DOCK10: variants seen among roughly 807,000 people sequenced by gnomAD.
The protein encoded by DOCK10 is dedicator of cytokinesis 10.
Under a neutral mutation model 280.1 loss-of-function variants are expected in DOCK10, and 145 were observed. That is an observed-to-expected ratio of 0.52 (90% CI 0.45 to 0.59). DOCK10 has a LOEUF of 0.59. DOCK10 is among the 20% of genes least tolerant of loss of function. The pLI is 0.00. For missense variants in DOCK10, 2,368 were observed against 2,651.7 expected, an observed-to-expected ratio of 0.89 and a Z score of 2.35; for synonymous variants, 915 against 942.2, an observed-to-expected ratio of 0.97 and a Z score of 0.53.
In DOCK10 at chr2:224,896,287, G is replaced by A. The variant is rs1286075347; in HGVS notation, c.416+8C>T. ...AAAGACCAATAAGTGCTCATAACAG[G>A]TTCTTACCGGGGTAGCTGTCGAATG... On this transcript the variant is annotated splice_region_variant and intron_variant, in intron 4 of 55. Coordinates refer to ENST00000258390, the MANE Select transcript of DOCK10 (RefSeq NM_014689.3). 1 of 1,558,432 alleles carries A rather than the reference G, an allele frequency of 6.4e-7. No individual in the cohort carries two copies. Among genetic ancestry groups the A allele is most frequent in the Non-Finnish European group, 8.8e-7 (1 of 1,134,170 alleles).
chr2:224,804,448 TG>T (rs1326268684), intron 38 of DOCK10, among the ~76,000 whole-genome samples: 1 of 142,224 alleles, frequency 7.0e-6, no homozygotes, highest in Non-Finnish European at 1.5e-5. Context: ...CCAGATTACT[TG>T]TTTTTTTTTT....
Position 224,860,560 on chromosome 2 carries a change from G to GT in DOCK10, c.1685+2103dup, listed in dbSNP as rs201442231. The stretch of plus-strand genomic sequence containing the variant: ...TCACTTGGCTAATAAAGGATAGAGC[G>GT]TTTTTTTTTTCTTTTTTTTAGAGAC... On this transcript the variant is annotated intron_variant, in intron 14 of 55. Transcript: ENST00000258390. The GT allele has an allele frequency of 8.5e-3, 1,249 of 147,090 alleles. 7 individuals carry two copies. The highest frequency in any genetic ancestry group is 0.017 in the African/African-American group (679 of 40,192). The allele number at this position is 147,090 out of a possible 1,614,324, so 9.1% of individuals were successfully genotyped here.
intron 3 of DOCK10, among the ~76,000 whole-genome samples, chr2:224,915,796 C>G (rs1184934568): frequency 6.6e-6 from 1 of 152,198 alleles, no homozygotes; most frequent in Non-Finnish European, 1.5e-5. Flanking sequence ...TGCTAAGTAG[C>G]TGCTATGCAC....
chr2:224,903,664 A>T (rs531268553), intron 3 of DOCK10, among the ~76,000 whole-genome samples: 1 of 152,290 alleles, frequency 6.6e-6, no homozygotes, highest in Admixed American at 6.5e-5. Flanking sequence ...AGGCATAAAA[A>T]CTGGGTCATT....
chr2:224,776,453 C>G (rs915309655), intron 51 of DOCK10, among the ~76,000 whole-genome samples: 1 of 152,114 alleles, frequency 6.6e-6, no homozygotes, highest in Non-Finnish European at 1.5e-5. Context: ...GCCCCAGGAA[C>G]TCTGTGTATA....
At position 224,962,731 on chromosome 2, in the gene DOCK10, T is replaced by C. The variant is rs543297100; in HGVS notation, c.124-31063A>G. Reference sequence around the variant, plus strand: ...CAAAAATATAATCCTTAATCCTACATTTACATTAACAGCAAAATCATTTTC... The same window carrying C: ...CAAAAATATAATCCTTAATCCTACACTTACATTAACAGCAAAATCATTTTC... On this transcript the variant is annotated intron_variant, in intron 1 of 55. Coordinates refer to ENST00000258390, the MANE Select transcript of DOCK10 (RefSeq NM_014689.3). Among the ~76,000 whole-genome samples, 3 of 152,300 alleles carry C rather than the reference T, an allele frequency of 2.0e-5. No individual in the cohort carries two copies. The East Asian group carries it at 5.8e-4, about 29-fold the overall frequency.
intron 55 of DOCK10, among the ~76,000 whole-genome samples, chr2:224,768,242 A>C (rs1690187673): frequency 6.6e-6 from 1 of 152,026 alleles, no homozygotes; most frequent in South Asian, 2.1e-4. Flanking sequence ...TGTTCAATAG[A>C]ATTTTTTTCC....
At chr2:225,009,034 A>C (rs569697990) in intron 1 of DOCK10, among the ~76,000 whole-genome samples, 94 of 152,312 alleles carry the variant, frequency 6.2e-4, no homozygotes, top group African/African-American at 2.2e-3. Flanking sequence ...AAAATATTCC[A>C]ATCTTGTAAT....
intron 1 of DOCK10, among the ~76,000 whole-genome samples, chr2:224,955,205 C>A (rs1703970723): frequency 6.6e-6 from 1 of 152,192 alleles, no homozygotes; most frequent in South Asian, 2.1e-4. Context: ...TTAATAATTA[C>A]CCTGAAAAGC....
At chr2:224,919,716 G>A (rs1701581570) in intron 2 of DOCK10, among the ~76,000 whole-genome samples, 1 of 152,038 alleles carries the variant, frequency 6.6e-6, no homozygotes, top group Non-Finnish European at 1.5e-5. Context: ...GAGTGTGTGT[G>A]CATGTGCACA....
chr2:224,854,097 T>C (rs934525076), intron 16 of DOCK10, among the ~76,000 whole-genome samples: 1 of 152,204 alleles, frequency 6.6e-6, no homozygotes, highest in African/African-American at 2.4e-5. Context: ...GCTCATTACA[T>C]TTCATATTAA....
At chr2:224,830,721 C>A (rs1695169527) in intron 26 of DOCK10, 109 bp from the exon 27 acceptor site, 2 of 518,134 alleles carry the variant, frequency 3.9e-6, no homozygotes, top group South Asian at 5.0e-5. Context: ...AAAATGTATT[C>A]TTTGAAACTA....
chr2:224,956,855 A>C (rs1704071562), intron 1 of DOCK10, among the ~76,000 whole-genome samples: 1 of 152,110 alleles, frequency 6.6e-6, no homozygotes, highest in Admixed American at 6.6e-5. Flanking sequence ...CCTAATGTAT[A>C]CTCAGTCAGG....
Position 224,793,467 on chromosome 2 carries a change from G to T in DOCK10, c.5155-10C>A. The T allele has an allele frequency of 6.2e-7, 1 of 1,611,638 alleles. No homozygotes were observed. The highest frequency in any genetic ancestry group is 1.3e-5 in the African/African-American group (1 of 74,976). ...TGTAACACATGGCAGCCTGTAATGAGAAAGAAAATAAAGAGGCTCAGGGGA... is the reference window on the plus strand; with the variant it reads ...TGTAACACATGGCAGCCTGTAATGATAAAGAAAATAAAGAGGCTCAGGGGA... On this transcript the variant is annotated splice_polypyrimidine_tract_variant and intron_variant, in intron 45 of 55. Transcript: ENST00000258390.
At chr2:224,839,877 G>A in intron 24 of DOCK10, 77 bp downstream of exon 24, 1 of 594,094 alleles carries the variant, frequency 1.7e-6, no homozygotes, top group South Asian at 3.5e-5. Context: ...AACAGTAGAT[G>A]ACTGTTTAGT....
At chr2:224,860,891 T>A (rs1697459731) in intron 14 of DOCK10, 1 of 152,192 alleles carries the variant, frequency 6.6e-6, no homozygotes, top group Admixed American at 6.5e-5. Context: ...AGAGTTAGGA[T>A]ATTTTGAGCT....
At chr2:224,833,690 A>G (rs1574905452) in intron 26 of DOCK10, among the ~76,000 whole-genome samples, 1 of 152,020 alleles carries the variant, frequency 6.6e-6, no homozygotes, top group East Asian at 1.9e-4. Flanking sequence ...CTTGTTGCCC[A>G]GGCTGGAGTG....
chr2:224,947,384 A>G (rs1263331133), intron 1 of DOCK10, among the ~76,000 whole-genome samples: 1 of 152,240 alleles, frequency 6.6e-6, no homozygotes, highest in East Asian at 1.9e-4. Context: ...AGTCAACTGT[A>G]ATAATATGGC....
intron 1 of DOCK10, among the ~76,000 whole-genome samples, chr2:225,024,002 C>G (rs907929217): frequency 2.0e-5 from 3 of 152,214 alleles, no homozygotes; most frequent in Non-Finnish European, 4.4e-5. Flanking sequence ...CCCTCCTGAT[C>G]CGATGTACTA....
Sources: gnomAD v4.1 joint callset for allele counts (sites outside exome capture counted in the v4.1 genomes callset) on GRCh38, gnomAD v4.1.1 for gene constraint, MANE v1.5 for transcripts, NCBI Gene and HGNC (gene_info 2026-07-23, HGNC 2026-07-21) for gene names.